The following TP73 variants were observed in gnomAD, a reference collection of about 807,000 sequenced individuals.
TP73 encodes the protein tumor protein p73, also known as p53-like transcription factor.
A neutral mutation model predicts 62.5 loss-of-function variants in TP73; 25 were observed. The ratio of observed to expected loss-of-function variants is 0.40; its 90% CI spans 0.29 to 0.56. TP73 has a LOEUF of 0.56. Ranked by LOEUF, TP73 falls within the 20% of genes least tolerant of loss-of-function variation. TP73 has a pLI of 0.46. For synonymous variants in TP73, 423 were observed against 377.5 expected (o/e 1.12, Z -1.40); for missense variants, 754 against 913.3 (o/e 0.83, Z 2.25).
At chr1:3,654,866 G>A (rs1644832756) in intron 1 of TP73, among the ~76,000 whole-genome samples, 1 of 152,230 alleles carries the variant, frequency 6.6e-6, no homozygotes, top group Admixed American at 6.5e-5. Flanking sequence ...CCCCACCCAG[G>A]TCCAAGAATG....
At chr1:3,698,311 C>A (rs1010519136) in intron 3 of TP73, among the ~76,000 whole-genome samples, 1 of 152,150 alleles carries the variant, frequency 6.6e-6, no homozygotes, top group Non-Finnish European at 1.5e-5. Context: ...CCCGGGCACT[C>A]GGCATTCTGG....
Position 3,728,146 on chromosome 1 carries a change from C to G in TP73, c.1003C>G (p.Pro335Ala). 1.2e-6 allele frequency: 2 copies of G among 1,611,350 alleles called. No individual in the cohort carries two copies. Among genetic ancestry groups the G allele is most frequent in the South Asian group, 1.1e-5 (1 of 91,058 alleles). Residue 335 changes from proline to alanine, a missense_variant, in exon 9 of 14, where the codon CCT becomes GCT. Coordinates refer to ENST00000378295, the MANE Select transcript of TP73 (RefSeq NM_005427.4). ...ASKRAFKQSP[P>A]AVPALGAGVK... ...CCTTCCAGCCTTCAAGCAGAGCCCCCCTGCCGTCCCCGCCCTTGGTGCCGG... is the reference window on the plus strand; with the variant it reads ...CCTTCCAGCCTTCAAGCAGAGCCCCGCTGCCGTCCCCGCCCTTGGTGCCGG...
chr1:3,681,699 C>T lies in TP73; in HGVS notation c.-33-634C>T, dbSNP rs1570427955. 2.0e-5 allele frequency among the ~76,000 whole-genome samples: 3 copies of T among 152,162 alleles called. No homozygotes were observed. In the East Asian group the frequency reaches 5.8e-4, roughly 29 times the overall value. On this transcript the variant is annotated intron_variant, in intron 1 of 13. Transcript: ENST00000378295. ...CTGCAGCAGTGGGCACAGCTAGGCT[C>T]TAGCCGGGGGCTTGGCTGCAGCCTC...
intron 6 of TP73, 125 bp downstream of exon 6, chr1:3,723,594 C>A (rs1278391125): frequency 2.8e-6 from 2 of 714,108 alleles, no homozygotes; most frequent in Admixed American, 4.4e-5. Context: ...CTGTCGGCAT[C>A]TGTCCAGGGC....
chr1:3,668,477 T>C (rs7523732), intron 1 of TP73: 15,130 of 152,006 alleles, frequency 0.1, 905 homozygotes, highest in African/African-American at 0.16. Context: ...TTTGATATTA[T>C]GGCTGCATAT....
intron 1 of TP73, among the ~76,000 whole-genome samples, chr1:3,655,139 C>A (rs1644838998): frequency 6.6e-6 from 1 of 152,234 alleles, no homozygotes; most frequent in Admixed American, 6.5e-5. Flanking sequence ...GTAATCTCAG[C>A]CCTTTGGGAG....
At chr1:3,661,738 AT>A (rs1383256646) in intron 1 of TP73, among the ~76,000 whole-genome samples, 35 of 145,434 alleles carry the variant, frequency 2.4e-4, no homozygotes, top group African/African-American at 8.1e-4. Flanking sequence ...ATATATATAT[AT>A]AATATGTATT....
Position 3,732,893 on chromosome 1 carries a change from G to C in TP73, c.1725G>C (p.Gly575=). The C allele has an allele frequency of 6.8e-6, 11 of 1,611,470 alleles. No homozygotes were observed. The highest frequency in any genetic ancestry group is 9.3e-6 in the Non-Finnish European group (11 of 1,179,650). Residue 575 remains glycine, a synonymous_variant, in exon 14 of 14, where the codon GGG becomes GGC. Transcript: ENST00000378295. ...CCACCATCTCCATCGGCGGCTCAGG[G>C]GAACTGCAGCGCCAGCGGGTCATGG... The part of the protein sequence containing the change: ...NAATISIGGS[G]ELQRQRVMEA...
chr1:3,720,626 C>T (rs1195442348), intron 4 of TP73, among the ~76,000 whole-genome samples: 4 of 152,240 alleles, frequency 2.6e-5, no homozygotes, highest in Admixed American at 1.3e-4. Context: ...CCCCACCCAC[C>T]ATGGCTCGCA....
At chr1:3,656,502 C>T (rs375763557) in intron 1 of TP73, among the ~76,000 whole-genome samples, 10 of 152,224 alleles carry the variant, frequency 6.6e-5, no homozygotes, top group African/African-American at 2.4e-4. Context: ...CATTTTTTTC[C>T]CTGTAATCCC....
chr1:3,674,519 GC>G (rs2102058587), intron 1 of TP73, among the ~76,000 whole-genome samples: 1 of 152,350 alleles, frequency 6.6e-6, no homozygotes, highest in South Asian at 2.1e-4. Context: ...CTTCGTCCCT[GC>G]CCCTGACCTG....
At chr1:3,718,210 C>CCGGGGCGGGG (rs575938054) in intron 4 of TP73, among the ~76,000 whole-genome samples, 13 of 152,314 alleles carry the variant, frequency 8.5e-5, no homozygotes, top group East Asian at 1.9e-4. Context: ...AAGCTCCTCC[C>CCGGGGCGGGG]CGGGGCGGGG....
intron 6 of TP73, 126 bp from the exon 7 acceptor site, chr1:3,726,989 A>G: frequency 1.5e-6 from 1 of 677,548 alleles, no homozygotes; most frequent in Non-Finnish European, 2.5e-6. Context: ...AATGGCAACA[A>G]CTATAGAGCA....
At chr1:3,692,415 A>G (rs1645869412) in intron 3 of TP73, among the ~76,000 whole-genome samples, 1 of 152,210 alleles carries the variant, frequency 6.6e-6, no homozygotes, top group Non-Finnish European at 1.5e-5. Context: ...TCTGAAACCC[A>G]GTGCTGGGAC....
intron 1 of TP73, among the ~76,000 whole-genome samples, chr1:3,674,931 G>C (rs1321093363): frequency 6.6e-6 from 1 of 152,206 alleles, no homozygotes; most frequent in Non-Finnish European, 1.5e-5. Flanking sequence ...GCTCTTCTGG[G>C]TTCTGGGTCC....
chr1:3,695,939 G>A (rs1470292315), intron 3 of TP73, among the ~76,000 whole-genome samples: 1 of 152,248 alleles, frequency 6.6e-6, no homozygotes, highest in Non-Finnish European at 1.5e-5. Context: ...AAGGGGTGGG[G>A]GAGACCCCAA....
chr1:3,730,837 T>C (rs1642079700), intron 11 of TP73, 90 bp from the exon 12 acceptor site: 1 of 1,455,600 alleles, frequency 6.9e-7, no homozygotes, highest in Admixed American at 2.4e-5. Context: ...GATGGCTCCC[T>C]GGTGTCCAGA....
intron 1 of TP73, among the ~76,000 whole-genome samples, chr1:3,667,608 G>A (rs1645148767): frequency 6.6e-6 from 1 of 152,072 alleles, no homozygotes; most frequent in Admixed American, 6.5e-5. Context: ...AAATTAGCCA[G>A]GCGTGGTGGC....
intron 3 of TP73, among the ~76,000 whole-genome samples, chr1:3,689,462 G>T (rs973113579): frequency 1.3e-5 from 2 of 152,072 alleles, no homozygotes; most frequent in East Asian, 3.9e-4. Context: ...GCCCCTTGGG[G>T]CACAACACCT....
Sources: gnomAD v4.1 joint callset for allele counts (sites outside exome capture counted in the v4.1 genomes callset) on GRCh38, gnomAD v4.1.1 for gene constraint, MANE v1.5 for transcripts, NCBI Gene and HGNC (gene_info 2026-07-23, HGNC 2026-07-21) for gene names.